Variants in NLGN1 observed in about 807,000 individuals in gnomAD.
NLGN1 encodes neuroligin-1.
NLGN1 carries 12 observed loss-of-function variants against 65.5 expected under a neutral mutation model. The observed-to-expected ratio is 0.18, with a 90% CI of 0.12 to 0.30. NLGN1 has a LOEUF of 0.30. Ranked by LOEUF, NLGN1 falls within the 10% of genes least tolerant of loss-of-function variation. The probability of loss-of-function intolerance (pLI) is 1.00; values close to 1 mark genes in which losing one functional copy is unlikely to be tolerated. For synonymous variants in NLGN1, 350 were observed against 359.5 expected, an observed-to-expected ratio of 0.97 and a Z score of 0.30; for missense variants, 750 against 1,007.1, an observed-to-expected ratio of 0.74 and a Z score of 3.46.
intron 4 of NLGN1, among the ~76,000 whole-genome samples, chr3:173,926,683 G>C (rs966140653): frequency 6.6e-6 from 1 of 152,158 alleles, no homozygotes. Flanking sequence ...ACCTTGTAAT[G>C]TTCCATGTTT....
chr3:173,608,705 T>A (rs1751789071), intron 3 of NLGN1, among the ~76,000 whole-genome samples: 1 of 151,804 alleles, frequency 6.6e-6, no homozygotes, highest in Non-Finnish European at 1.5e-5. Flanking sequence ...CTGTGATGAT[T>A]TCCATAGCAG....
At chr3:173,757,704 G>T (rs928897924) in intron 3 of NLGN1, among the ~76,000 whole-genome samples, 1 of 151,940 alleles carries the variant, frequency 6.6e-6, no homozygotes, top group African/African-American at 2.4e-5. Flanking sequence ...GAAAATCAGA[G>T]AAATTTTAAA....
intron 2 of NLGN1, among the ~76,000 whole-genome samples, chr3:173,475,570 C>G (rs1293012904): frequency 6.6e-6 from 1 of 152,100 alleles, no homozygotes; most frequent in Non-Finnish European, 1.5e-5. Flanking sequence ...TAACAAAAAG[C>G]AAACCTTTTT....
chr3:173,533,745 A>T (rs1027896890), intron 2 of NLGN1, among the ~76,000 whole-genome samples: 13 of 152,164 alleles, frequency 8.5e-5, no homozygotes, highest in Non-Finnish European at 1.6e-4. Context: ...GCACTTTGGG[A>T]GGTCGAGGCA....
At chr3:174,193,840 G>C (rs1454683664) in intron 4 of NLGN1, among the ~76,000 whole-genome samples, 2 of 152,012 alleles carry the variant, frequency 1.3e-5, no homozygotes. Flanking sequence ...CTCTGACATT[G>C]TTTAAAATAT....
intron 2 of NLGN1, among the ~76,000 whole-genome samples, chr3:173,555,270 C>G (rs916898751): frequency 6.6e-6 from 1 of 152,212 alleles, no homozygotes; most frequent in South Asian, 2.1e-4. Flanking sequence ...TGACTTCTGT[C>G]CTTTAACTGG....
intron 4 of NLGN1, among the ~76,000 whole-genome samples, chr3:173,954,620 A>G (rs962120311): frequency 6.6e-6 from 1 of 151,988 alleles, no homozygotes; most frequent in African/African-American, 2.4e-5. Flanking sequence ...CTTTCAGTAG[A>G]ACCAATGTAC....
At chr3:174,127,426 C>T (rs892784868) in intron 4 of NLGN1, among the ~76,000 whole-genome samples, 7 of 152,038 alleles carry the variant, frequency 4.6e-5, no homozygotes, top group Non-Finnish European at 7.4e-5. Context: ...ATTTTTTACT[C>T]GTAATAGCTA....
intron 4 of NLGN1, among the ~76,000 whole-genome samples, chr3:173,846,498 A>G (rs1396117455): frequency 2.0e-5 from 3 of 152,216 alleles, no homozygotes; most frequent in Non-Finnish European, 4.4e-5. Context: ...ACCTAAGCCT[A>G]GATTAAAATC....
At chr3:173,847,070 A>G (rs1012519463) in intron 4 of NLGN1, among the ~76,000 whole-genome samples, 19 of 152,152 alleles carry the variant, frequency 1.2e-4, no homozygotes, top group Non-Finnish European at 2.9e-5. Context: ...GATGCTTAAT[A>G]ATAGTCCAAG....
At chr3:174,265,743 T>A (rs1392773529) in intron 4 of NLGN1, among the ~76,000 whole-genome samples, 1 of 146,000 alleles carries the variant, frequency 6.8e-6, no homozygotes, top group Non-Finnish European at 1.5e-5. Context: ...ATACTCTTAC[T>A]CTACCTAAAA....
At chr3:173,580,373 A>G (rs1746200501) in intron 2 of NLGN1, among the ~76,000 whole-genome samples, 1 of 152,062 alleles carries the variant, frequency 6.6e-6, no homozygotes, top group Non-Finnish European at 1.5e-5. Flanking sequence ...AGGTTTACCA[A>G]TCTTGGTCTT....
chr3:174,172,656 G>GTTATT (rs1728759245), intron 4 of NLGN1, among the ~76,000 whole-genome samples: 1 of 151,986 alleles, frequency 6.6e-6, no homozygotes, highest in African/African-American at 2.4e-5. Context: ...TGGGTTCTCT[G>GTTATT]TTATTTTCTA....
At chr3:174,163,806 A>G (rs1727019246) in intron 4 of NLGN1, among the ~76,000 whole-genome samples, 1 of 152,098 alleles carries the variant, frequency 6.6e-6, no homozygotes, top group Non-Finnish European at 1.5e-5. Context: ...GCATATATGT[A>G]CCATGTTTTC....
At chr3:173,541,551 G>C (rs1485190225) in intron 2 of NLGN1, among the ~76,000 whole-genome samples, 1 of 152,100 alleles carries the variant, frequency 6.6e-6, no homozygotes, top group Non-Finnish European at 1.5e-5. Context: ...AATTGTAAAG[G>C]TATCAGTTGA....
chr3:173,817,810 A>ATATC (rs1298663937), intron 4 of NLGN1, among the ~76,000 whole-genome samples: 7 of 152,184 alleles, frequency 4.6e-5, no homozygotes, highest in Non-Finnish European at 8.8e-5. Flanking sequence ...CCTAAAAAGG[A>ATATC]TATCTTATTA....
chr3:173,460,796 G>GT (rs1267070190), intron 2 of NLGN1, among the ~76,000 whole-genome samples: 2 of 152,070 alleles, frequency 1.3e-5, no homozygotes, highest in Non-Finnish European at 2.9e-5. Flanking sequence ...TAAAAGAGAG[G>GT]TTTTCTGGGA....
At chr3:173,886,120 C>T (rs57718173) in intron 4 of NLGN1, among the ~76,000 whole-genome samples, 1,722 of 152,138 alleles carry the variant, frequency 0.011, 27 homozygotes, top group African/African-American at 0.039. Context: ...CAACCACTAC[C>T]AATATTAGTC....
chr3:174,238,588 C>G (rs1742184058), intron 4 of NLGN1, among the ~76,000 whole-genome samples: 1 of 152,164 alleles, frequency 6.6e-6, no homozygotes, highest in Non-Finnish European at 1.5e-5. Context: ...GTCTCAATCT[C>G]TTGACCTTTG....
Sources: gnomAD v4.1 joint callset for allele counts (sites outside exome capture counted in the v4.1 genomes callset) on GRCh38, gnomAD v4.1.1 for gene constraint, MANE v1.5 for transcripts, NCBI Gene and HGNC (gene_info 2026-07-23, HGNC 2026-07-21) for gene names.